Variants in SMARCA2 observed in about 807,000 individuals in gnomAD.
The protein encoded by SMARCA2 is SWI/SNF-related matrix-associated actin-dependent regulator of chromatin subfamily A member 2.
SMARCA2 carries 61 observed loss-of-function variants against 199.8 expected under a neutral mutation model. The observed-to-expected ratio is 0.31, with a 90% confidence interval of 0.25 to 0.38. SMARCA2 has a LOEUF of 0.38. Among genes scored for constraint, SMARCA2 ranks in the 10% least tolerant of loss-of-function variants. The probability of loss-of-function intolerance (pLI) is 1.00; values close to 1 mark genes in which losing one functional copy is unlikely to be tolerated. For missense variants in SMARCA2, 1,344 were observed against 2,012.2 expected (o/e 0.67, Z 6.35); for synonymous variants, 935 against 732.0 (o/e 1.28, Z -4.48).
rs937207112 is a variant in SMARCA2 at position 2,060,735 on chromosome 9, G to C, written c.1522-81G>C. On this transcript the variant is annotated intron_variant, in intron 8 of 33. Coordinates refer to ENST00000349721, the MANE Select transcript of SMARCA2 (RefSeq NM_003070.5). ...ACTCCTACCAGTCAAAATGCAGACT[G>C]TCAAGGGGAGGACAGAGTGGAGAGT... 3 of 1,358,446 alleles carry C rather than the reference G, an allele frequency of 2.2e-6. No individual in the cohort carries two copies. In the African/African-American group the frequency reaches 4.3e-5, roughly 19 times the overall value. The allele number at this position is 1,358,446 out of a possible 1,614,324, so 84.1% of individuals were successfully genotyped here. A position where few individuals can be genotyped will look rare whatever the true frequency, so the allele number is the denominator to read the frequency against.
At chr9:2,034,374 G>C (rs1479538549) in intron 3 of SMARCA2, among the ~76,000 whole-genome samples, 1 of 152,062 alleles carries the variant, frequency 6.6e-6, no homozygotes, top group African/African-American at 2.4e-5. Flanking sequence ...TCAGTATATG[G>C]CATATTTCTT....
In SMARCA2 at chr9:2,039,561, A is replaced by T. The variant is rs1458030160; in HGVS notation, c.451A>T (p.Ser151Cys). 1.9e-6 allele frequency: 3 copies of T among 1,614,136 alleles called. No homozygotes were observed. In the East Asian group the frequency reaches 6.7e-5, roughly 36 times the overall value. ...CCCAACTCCACCTCAGATGCCACCA[A>T]GCCAGCCGGGGGCCCTCATCCCAGG... ...GGPTPPQMPPSQPGALIPGDP... is the reference protein window; with the variant it reads ...GGPTPPQMPPCQPGALIPGDP... The change falls in exon 4 of 34, where the codon AGC becomes TGC. Residue 151 changes from serine to cysteine, a missense_variant. Ser to Cys is a moderately radical substitution (Grantham distance 112). This residue lies in a region of SMARCA2 where 275 missense variants were observed against 247.5 expected (regional missense o/e 1.11). Transcript: ENST00000349721. This position sits in a 1 kb window ranked among gnomAD's most constrained non-coding sequence, Gnocchi z 4.8.
intron 4 of SMARCA2, among the ~76,000 whole-genome samples, chr9:2,046,437 T>C (rs1819847202): frequency 6.6e-6 from 1 of 152,200 alleles, no homozygotes; most frequent in South Asian, 2.1e-4. Context: ...TTTTATTAGG[T>C]GGAATGAGCA....
At chr9:2,048,141 G>A (rs1819959189) in intron 5 of SMARCA2, among the ~76,000 whole-genome samples, 1 of 152,162 alleles carries the variant, frequency 6.6e-6, no homozygotes, top group Non-Finnish European at 1.5e-5. Flanking sequence ...TGGGCTGGCT[G>A]CCTTTCGGTA....
intron 1 of SMARCA2, among the ~76,000 whole-genome samples, chr9:2,023,676 G>A (rs571054330): frequency 2.3e-4 from 35 of 152,224 alleles, no homozygotes; most frequent in Non-Finnish European, 4.3e-4. Flanking sequence ...AGGAAACTTC[G>A]GGTAGATTTA....
intron 27 of SMARCA2, chr9:2,159,579 T>C (rs1825557877): frequency 2.4e-6 from 1 of 411,004 alleles, no homozygotes. Flanking sequence ...TCAGAAACCA[T>C]CTGAGCTAAA....
At chr9:2,172,697 C>T (rs1159233532) in intron 29 of SMARCA2, among the ~76,000 whole-genome samples, 2 of 152,104 alleles carry the variant, frequency 1.3e-5, no homozygotes, top group Admixed American at 1.3e-4. Context: ...ATCGCAGTGA[C>T]TGTTACGAGC....
At chr9:2,099,287 G>A (rs976651200) in intron 21 of SMARCA2, among the ~76,000 whole-genome samples, 1 of 152,168 alleles carries the variant, frequency 6.6e-6, no homozygotes, top group East Asian at 1.9e-4. Flanking sequence ...GATTTTCTTA[G>A]TCTAACCTGT....
At chr9:2,117,035 G>T (rs865971604) in intron 25 of SMARCA2, among the ~76,000 whole-genome samples, 12 of 152,134 alleles carry the variant, frequency 7.9e-5, no homozygotes, top group South Asian at 4.1e-4. Context: ...AACTTACAAT[G>T]GTGTTACATC....
At chr9:2,172,287 G>A (rs1826292261) in intron 29 of SMARCA2, among the ~76,000 whole-genome samples, 1 of 152,094 alleles carries the variant, frequency 6.6e-6, no homozygotes, top group African/African-American at 2.4e-5. Context: ...ATTGGAAAGA[G>A]CTATGTCAAC....
At chr9:2,183,832 C>T (rs530182887) in intron 31 of SMARCA2, among the ~76,000 whole-genome samples, 1 of 152,156 alleles carries the variant, frequency 6.6e-6, no homozygotes, top group Non-Finnish European at 1.5e-5. Flanking sequence ...TTGTGAATGA[C>T]AGACAGTTTG....
intron 11 of SMARCA2, 71 bp downstream of exon 11, chr9:2,073,413 A>C: frequency 6.3e-7 from 1 of 1,583,818 alleles, no homozygotes; most frequent in Non-Finnish European, 8.6e-7. Flanking sequence ...TACGATCTCG[A>C]AACTAAAACT....
intron 25 of SMARCA2, among the ~76,000 whole-genome samples, chr9:2,118,870 C>G: frequency 6.6e-6 from 1 of 151,888 alleles, no homozygotes; most frequent in East Asian, 1.9e-4. Context: ...TTTTAGTTAT[C>G]CCATCCATAG....
rs1345457262 is a variant in SMARCA2, at chr9:2,039,691, G to A, written c.581G>A (p.Arg194Gln). Reference sequence around the variant, plus strand: ...ATTTTAGCTTATAAAATGCTGGCCCGAGGCCAGCCCCTCCCCGAAACGCTG... The same window carrying A: ...ATTTTAGCTTATAAAATGCTGGCCCAAGGCCAGCCCCTCCCCGAAACGCTG... ...AQILAYKMLA[R>Q]GQPLPETLQL... The change falls in exon 4 of 34, where the codon CGA (arginine) becomes CAA (glutamine). Residue 194 changes from arginine to glutamine, a missense_variant. Physicochemically the swap from Arg to Gln is conservative, Grantham distance 43 (BLOSUM62 1). This residue lies in a region of SMARCA2 where 24 missense variants were observed against 53.7 expected (regional missense o/e 0.45). Transcript: ENST00000349721. The surrounding 1 kb of genome is among the most constrained non-coding windows in gnomAD (Gnocchi z 4.8). The A allele has an allele frequency of 6.2e-7, 1 of 1,613,818 alleles. No homozygotes were observed. Among genetic ancestry groups the A allele is most frequent in the Admixed American group, 1.7e-5 (1 of 60,008 alleles).
intron 27 of SMARCA2, among the ~76,000 whole-genome samples, chr9:2,135,670 T>G (rs753835747): frequency 6.6e-6 from 1 of 152,060 alleles, no homozygotes; most frequent in Non-Finnish European, 1.5e-5. Flanking sequence ...GCCTCCCAAG[T>G]AGCTGGGATT....
rs1194908579 is a variant in SMARCA2 at position 2,192,997 on chromosome 9, A to G, written c.*258A>G. 1.3e-5 allele frequency: 6 copies of G among 455,770 alleles called. No homozygotes were observed. The highest frequency in any genetic ancestry group is 1.9e-5 in the Non-Finnish European group (5 of 258,788). The allele number at this position is 455,770 out of a possible 1,614,324, so 28.2% of individuals were successfully genotyped here. On this transcript the variant is annotated 3_prime_UTR_variant, in exon 34 of 34. Coordinates refer to ENST00000349721, the MANE Select transcript of SMARCA2 (RefSeq NM_003070.5). ...AAACAAACAAAAAGCTTTTGATGGA[A>G]AATATGTGGGTGGATAGTATATTTC...
intron 25 of SMARCA2, 42 bp downstream of exon 25, chr9:2,116,091 C>A (rs765320559): frequency 5.2e-5 from 74 of 1,423,910 alleles, no homozygotes; most frequent in Non-Finnish European, 6.7e-5. Context: ...AAACAGTGGC[C>A]TTTTGTCTCT....
intron 4 of SMARCA2, chr9:2,043,816 G>C (rs932873118): frequency 6.6e-6 from 1 of 152,238 alleles, no homozygotes; most frequent in African/African-American, 2.4e-5. Context: ...TCCCCGCTTA[G>C]CTGCGCTGGG....
intron 29 of SMARCA2, among the ~76,000 whole-genome samples, chr9:2,178,356 C>A (rs1826773372): frequency 6.6e-6 from 1 of 152,192 alleles, no homozygotes; most frequent in Non-Finnish European, 1.5e-5. Context: ...TCCGATGTCA[C>A]AGGCCATCAG....
Sources: gnomAD v4.1 joint callset for allele counts (sites outside exome capture counted in the v4.1 genomes callset) on GRCh38, gnomAD v4.1.1 for gene constraint, gnomAD v4.1.1 regional missense constraint, Gnocchi (gnomAD v3.1) non-coding constraint, MANE v1.5 for transcripts, NCBI Gene and HGNC (gene_info 2026-07-23, HGNC 2026-07-21) for gene names.